The following CRACD variants were observed in gnomAD, a reference collection of about 807,000 sequenced individuals.
The protein encoded by CRACD is capping protein-inhibiting regulator of actin dynamics.
In CRACD, 56 loss-of-function variants were observed where a neutral mutation model predicts 106.8. The ratio of observed to expected loss-of-function variants is 0.52; its 90% CI spans 0.42 to 0.66. The LOEUF is 0.66. Among genes scored for constraint, CRACD ranks in the 30% least tolerant of loss-of-function variants. CRACD has a pLI of 0.00. For synonymous variants in CRACD, 754 were observed against 670.8 expected (o/e 1.12, Z -1.92); for missense variants, 1,730 against 1,623.2 (o/e 1.07, Z -1.13).
intron 2 of CRACD, among the ~76,000 whole-genome samples, chr4:56,261,673 A>G (rs1274313738): frequency 6.6e-6 from 1 of 152,066 alleles, no homozygotes; most frequent in African/African-American, 2.4e-5. Flanking sequence ...TCTCAATATT[A>G]TTTTATTTCT....
rs955848189 is a variant in CRACD at position 56,081,970 on chromosome 4, G to A, written c.-336+32671G>A. Among the ~76,000 whole-genome samples the A allele has an allele frequency of 1.9e-4, 28 of 151,028 alleles. No homozygotes were observed. The East Asian group carries it at 2.7e-3, about 15-fold the overall frequency. ...AGCCTGAGTGACAGAGCCAGACTCC[G>A]TCTCAAAAAAAAAAGGCTGGGTTTC... On this transcript the variant is annotated intron_variant, in intron 1 of 10. Transcript: ENST00000682029.
chr4:56,242,647 C>T (rs749109683), intron 2 of CRACD, among the ~76,000 whole-genome samples: 4 of 152,084 alleles, frequency 2.6e-5, no homozygotes, highest in African/African-American at 7.2e-5. Flanking sequence ...GAGGCAGAGG[C>T]GATGGGAGGT....
Position 56,314,468 on chromosome 4 carries a change from T to A in CRACD, c.966T>A (p.Arg322=), listed in dbSNP as rs371512222. The change falls in exon 8 of 11, where the codon CGT becomes CGA. Residue 322 remains arginine, a synonymous_variant. Coordinates refer to ENST00000682029, the MANE Select transcript of CRACD (RefSeq NM_001393381.1). This position sits in a 1 kb window ranked among gnomAD's most constrained non-coding sequence, Gnocchi z 4.4. ...TGGAGGCGGAGGAGGAGCGAAGGCG[T>A]CTGCAGGCCCAGGCCCAAGCGGAGG... ...ERLEAEEERR[R]LQAQAQAEER... is the part of the protein sequence containing the mutation. 8.0e-5 allele frequency: 122 copies of A among 1,531,710 alleles called. No individual in the cohort carries two copies. Among genetic ancestry groups the A allele is most frequent in the African/African-American group, 4.9e-4 (35 of 71,840 alleles). The allele number at this position is 1,531,710 out of a possible 1,614,324, so 94.9% of individuals were successfully genotyped here.
At chr4:56,240,883 C>A (rs963221398) in intron 2 of CRACD, among the ~76,000 whole-genome samples, 20 of 152,208 alleles carry the variant, frequency 1.3e-4, no homozygotes, top group African/African-American at 4.8e-4. Flanking sequence ...GTGAGCTGTG[C>A]TGCACCCCCA....
intron 5 of CRACD, among the ~76,000 whole-genome samples, chr4:56,310,372 AC>A: frequency 6.6e-6 from 1 of 152,254 alleles, no homozygotes; most frequent in East Asian, 1.9e-4. Context: ...CTGTTGAGCT[AC>A]TCACATTCTG....
chr4:56,277,886 CT>C (rs1300223489), intron 3 of CRACD, among the ~76,000 whole-genome samples: 1 of 151,966 alleles, frequency 6.6e-6, no homozygotes, highest in African/African-American at 2.4e-5. Context: ...AAAGATGACC[CT>C]AGGAAAACAA....
intron 1 of CRACD, among the ~76,000 whole-genome samples, chr4:56,053,644 C>A (rs1172872428): frequency 6.6e-6 from 1 of 152,094 alleles, no homozygotes; most frequent in Non-Finnish European, 1.5e-5. Context: ...TATAAATATG[C>A]CACTGCTCTT....
chr4:56,094,116 T>A (rs1386276554), intron 1 of CRACD, among the ~76,000 whole-genome samples: 1 of 152,246 alleles, frequency 6.6e-6, no homozygotes, highest in East Asian at 1.9e-4. Context: ...GTTTTACTGT[T>A]TTATTAAATA....
intron 2 of CRACD, among the ~76,000 whole-genome samples, chr4:56,218,293 G>T (rs1403222149): frequency 6.6e-6 from 1 of 151,924 alleles, no homozygotes; most frequent in Non-Finnish European, 1.5e-5. Flanking sequence ...TTTTTTTCAA[G>T]TAGAGACAGG....
chr4:56,293,702 T>G (rs2109707216), intron 3 of CRACD, among the ~76,000 whole-genome samples: 1 of 152,216 alleles, frequency 6.6e-6, no homozygotes, highest in African/African-American at 2.4e-5. Context: ...TGCATGCTTT[T>G]AAACAACAGG....
rs369494045 is a variant in CRACD, at chr4:56,275,615, G to A, written c.-17+3123G>A. Reference sequence around the variant, plus strand: ...TAATTATTTGCCTTATTTACAGATGGAGAAAATGAAAAATGTTCTTTTCAG... The same window carrying A: ...TAATTATTTGCCTTATTTACAGATGAAGAAAATGAAAAATGTTCTTTTCAG... On this transcript the variant is annotated intron_variant, in intron 3 of 10. Coordinates refer to ENST00000682029, the MANE Select transcript of CRACD (RefSeq NM_001393381.1). Among the ~76,000 whole-genome samples, 6 of 152,282 alleles carry A rather than the reference G, an allele frequency of 3.9e-5. No individual in the cohort carries two copies. The East Asian group carries it at 9.6e-4, about 24-fold the overall frequency.
rs1355649127 is a variant in CRACD at position 56,323,490 on chromosome 4, C to T, written c.3301C>T (p.Arg1101Trp). Residue 1101 changes from arginine (R) to tryptophan (W), a missense_variant, in exon 9 of 11, where the codon CGG (arginine) becomes TGG (tryptophan). Arg to Trp is a moderately radical substitution (Grantham distance 101). Around this residue, in one of 5 missense-constraint regions of CRACD, gnomAD observed 1,620 missense variants for 1,481.6 expected, o/e 1.09. Coordinates refer to ENST00000682029, the MANE Select transcript of CRACD (RefSeq NM_001393381.1). ...TLALQKQKGF[R>W]EQQATREERK... ...AGCACTGCAAAAGCAAAAGGGGTTTCGGGAGCAGCAGGCGACGCGGGAGGA... is the reference window on the plus strand; with the variant it reads ...AGCACTGCAAAAGCAAAAGGGGTTTTGGGAGCAGCAGGCGACGCGGGAGGA... 5.0e-6 allele frequency: 8 copies of T among 1,609,072 alleles called. No homozygotes were observed. Among genetic ancestry groups the T allele is most frequent in the East Asian group, 2.2e-5 (1 of 44,552 alleles).
intron 3 of CRACD, among the ~76,000 whole-genome samples, chr4:56,278,106 G>A (rs757813086): frequency 2.0e-5 from 3 of 152,104 alleles, no homozygotes; most frequent in African/African-American, 4.8e-5. Context: ...GATTCAATGT[G>A]GTCCCCATCA....
chr4:56,282,952 T>A (rs12374341), intron 3 of CRACD, among the ~76,000 whole-genome samples: 69,801 of 152,078 alleles, frequency 0.46, 16,709 homozygotes, highest in African/African-American at 0.6. Flanking sequence ...TCTCCTTAGC[T>A]CTAAGTGCCT....
intron 2 of CRACD, among the ~76,000 whole-genome samples, chr4:56,197,507 C>T: frequency 6.6e-6 from 1 of 152,128 alleles, no homozygotes; most frequent in South Asian, 2.1e-4. Context: ...TTTCTTCCCT[C>T]CCTCTTTCCC....
intron 1 of CRACD, among the ~76,000 whole-genome samples, chr4:56,174,687 TG>T (rs1736513040): frequency 6.6e-6 from 1 of 152,218 alleles, no homozygotes. Context: ...CATCTGTTGA[TG>T]GACACTTAGG....
At chr4:56,311,692 T>C (rs1470657996) in intron 6 of CRACD, 1 of 152,238 alleles carries the variant, frequency 6.6e-6, no homozygotes, top group Non-Finnish European at 1.5e-5. Context: ...TGGTCTTTCA[T>C]CTTTTGTGCA....
At chr4:56,206,857 A>G (rs150375235) in intron 2 of CRACD, among the ~76,000 whole-genome samples, 1,607 of 152,326 alleles carry the variant, frequency 0.011, 24 homozygotes, top group African/African-American at 0.036. Context: ...TTCATAAGTT[A>G]CAGTGTCCTC....
At chr4:56,271,793 T>C (rs1742362279) in intron 2 of CRACD, among the ~76,000 whole-genome samples, 1 of 152,190 alleles carries the variant, frequency 6.6e-6, no homozygotes, top group Admixed American at 6.5e-5. Flanking sequence ...TTGCTCAGAC[T>C]GGAGTGCGGT....
Sources: allele counts gnomAD v4.1 joint callset (sites outside exome capture counted in the v4.1 genomes callset), GRCh38; gene constraint gnomAD v4.1.1; regional missense constraint gnomAD v4.1.1; non-coding constraint Gnocchi (gnomAD v3.1); transcripts MANE v1.5; gene names NCBI Gene and HGNC (gene_info 2026-07-23, HGNC 2026-07-21).